Variants in CILK1 observed in about 807,000 individuals in gnomAD.
The protein encoded by CILK1 is ciliogenesis associated kinase 1, also known as serine/threonine-protein kinase ICK.
CILK1 carries 47 observed loss-of-function variants against 79.2 expected under a neutral mutation model. The observed-to-expected ratio is 0.59, with a 90% CI of 0.47 to 0.76. CILK1 has a LOEUF of 0.76. Ranked by LOEUF, CILK1 falls within the 30% of genes least tolerant of loss-of-function variation. The pLI is 0.00. For missense variants in CILK1, 660 were observed against 769.5 expected, an observed-to-expected ratio of 0.86 and a Z score of 1.68; for synonymous variants, 266 against 275.9, an observed-to-expected ratio of 0.96 and a Z score of 0.36.
intron 8 of CILK1, among the ~76,000 whole-genome samples, chr6:53,014,325 C>T (rs1380188685): frequency 6.6e-6 from 1 of 152,094 alleles, no homozygotes; most frequent in Non-Finnish European, 1.5e-5. Flanking sequence ...AGCCTATTTC[C>T]TCATTCCACA....
intron 11 of CILK1, among the ~76,000 whole-genome samples, chr6:53,010,380 TGCC>T (rs1438724918): frequency 6.6e-6 from 1 of 152,226 alleles, no homozygotes; most frequent in Admixed American, 6.5e-5. Context: ...GCTCAGCCTG[TGCC>T]GCCATCTCCC....
At chr6:53,045,837 A>G (rs1767043399) in intron 1 of CILK1, among the ~76,000 whole-genome samples, 2 of 152,072 alleles carry the variant, frequency 1.3e-5, no homozygotes, top group African/African-American at 4.8e-5. Context: ...TGTCAAAAAA[A>G]AAAAAAAATC....
At chr6:53,021,181 C>T (rs568032773) in intron 5 of CILK1, among the ~76,000 whole-genome samples, 7 of 152,194 alleles carry the variant, frequency 4.6e-5, no homozygotes, top group South Asian at 2.1e-4. Flanking sequence ...AAAAATTAGC[C>T]GGGCGTGGTG....
chr6:53,046,161 A>C (rs1396625425), intron 1 of CILK1, among the ~76,000 whole-genome samples: 2 of 152,208 alleles, frequency 1.3e-5, no homozygotes, highest in African/African-American at 4.8e-5. Flanking sequence ...TCTCAGAGGA[A>C]GCATTTTCCA....
intron 8 of CILK1, among the ~76,000 whole-genome samples, chr6:53,015,663 A>G (rs1764848614): frequency 6.6e-6 from 1 of 152,330 alleles, no homozygotes; most frequent in Non-Finnish European, 1.5e-5. Context: ...GGTCTATCTC[A>G]TCTGTCAATC....
rs1764438225 is a variant in CILK1, at chr6:53,009,583, T to C, written c.1493-16A>G. On this transcript the variant is annotated splice_polypyrimidine_tract_variant and intron_variant, in intron 11 of 13. Transcript: ENST00000676107. ...ATACTGATCCCTGATAGAGAAGAAA[T>C]GATTTTAAAATGCAAAATACACAAT... 1.9e-6 allele frequency: 3 copies of C among 1,600,054 alleles called. No homozygotes were observed. Among genetic ancestry groups the C allele is most frequent in the Non-Finnish European group, 2.6e-6 (3 of 1,167,442 alleles).
chr6:53,024,516 T>C (rs1473313264), intron 5 of CILK1, among the ~76,000 whole-genome samples: 3 of 152,248 alleles, frequency 2.0e-5, no homozygotes, highest in Non-Finnish European at 4.4e-5. Context: ...CCTGATTGTG[T>C]GTTTCCATTT....
Position 53,023,997 on chromosome 6 carries a change from G to A in CILK1, c.359-4638C>T, listed in dbSNP as rs190022490. Among the ~76,000 whole-genome samples the A allele has an allele frequency of 8.9e-3, 1,353 of 152,286 alleles. 10 individuals carry two copies. Among genetic ancestry groups the A allele is most frequent in the Middle Eastern group, 0.02 (6 of 294 alleles). On this transcript the variant is annotated intron_variant, in intron 5 of 13. Coordinates refer to ENST00000676107, the MANE Select transcript of CILK1 (RefSeq NM_014920.5). ...GGAGGAAGTACTTCCTTCCCACCAC[G>A]GGGTTGCTTTTATTTTCCACAATCC... is the stretch of plus-strand genomic sequence containing the variant.
chr6:53,045,410 C>T (rs919051327), intron 1 of CILK1, among the ~76,000 whole-genome samples: 1 of 152,122 alleles, frequency 6.6e-6, no homozygotes, highest in Non-Finnish European at 1.5e-5. Context: ...TGTACAATGG[C>T]GCCAAAGCTA....
chr6:53,028,963 A>G (rs544043920), intron 5 of CILK1, among the ~76,000 whole-genome samples: 11 of 151,472 alleles, frequency 7.3e-5, no homozygotes, highest in Non-Finnish European at 1.5e-4. Context: ...GTGTGTGTGT[A>G]TATATATATA....
chr6:53,011,789 T>C lies in CILK1; in HGVS notation c.1472A>G (p.Lys491Arg). ...LRSAAKQHYL[K>R]HSRYLPGISI... ...ATTACCAGGCAAGTATCGAGAGTGC[T>C]TCAAATAGTGCTGCTTGGCTGCAGA... is the stretch of plus-strand genomic sequence containing the variant. The change falls in exon 11 of 14, where the codon AAG becomes AGG. Residue 491 changes from lysine (K) to arginine (R), a missense_variant. Transcript: ENST00000676107. 1 of 1,614,112 alleles carries C rather than the reference T, an allele frequency of 6.2e-7. No individual in the cohort carries two copies. Among genetic ancestry groups the C allele is most frequent in the Non-Finnish European group, 8.5e-7 (1 of 1,179,990 alleles).
intron 5 of CILK1, among the ~76,000 whole-genome samples, chr6:53,029,241 T>A (rs1765768938): frequency 6.6e-6 from 1 of 152,192 alleles, no homozygotes; most frequent in African/African-American, 2.4e-5. Context: ...CTTAATCTAA[T>A]AAGTGACCTT....
At chr6:53,020,490 G>C (rs923420935) in intron 5 of CILK1, among the ~76,000 whole-genome samples, 8 of 152,148 alleles carry the variant, frequency 5.3e-5, no homozygotes, top group Non-Finnish European at 1.2e-4. Flanking sequence ...TTCAAAATCT[G>C]AGATGCTCCA....
In CILK1 at chr6:53,031,123, A is replaced by G; in HGVS notation, c.300T>C (p.Ser100=). 1.2e-6 allele frequency: 2 copies of G among 1,608,564 alleles called. No individual in the cohort carries two copies. Among genetic ancestry groups the G allele is most frequent in the Non-Finnish European group, 1.7e-6 (2 of 1,175,252 alleles). Residue 100 remains serine (S), a synonymous_variant, in exon 5 of 14, where the codon TCT becomes TCC. Transcript: ENST00000676107. ...IKERNKLFPE[S]AIRNIMYQIL... ...TCTGATACATGATATTCCTTATAGC[A>G]GACTCAGGAAACAACTTATTTCTGT... is the stretch of plus-strand genomic sequence containing the variant.
chr6:53,045,988 C>A (rs1232749083), intron 1 of CILK1, among the ~76,000 whole-genome samples: 1 of 152,116 alleles, frequency 6.6e-6, no homozygotes, highest in Non-Finnish European at 1.5e-5. Flanking sequence ...GAATATTTTT[C>A]TTCATGTCCA....
chr6:53,009,346 C>T (rs890763081), intron 12 of CILK1, 93 bp downstream of exon 12: 2 of 1,247,102 alleles, frequency 1.6e-6, no homozygotes, highest in Non-Finnish European at 1.2e-6. Flanking sequence ...GGCCCCTGTG[C>T]TTCCAAAGCC....
chr6:53,025,039 G>T (rs1450034381), intron 5 of CILK1, among the ~76,000 whole-genome samples: 5 of 151,902 alleles, frequency 3.3e-5, no homozygotes, highest in African/African-American at 1.2e-4. Context: ...TGCCATGCTG[G>T]TCAAGCTGGT....
intron 3 of CILK1, among the ~76,000 whole-genome samples, chr6:53,036,090 C>T (rs1766313090): frequency 6.6e-6 from 1 of 152,228 alleles, no homozygotes; most frequent in Non-Finnish European, 1.5e-5. Flanking sequence ...GAGGCAGTCA[C>T]TTGCTTCCTA....
At chr6:53,058,870 C>T (rs1768170727) in intron 1 of CILK1, among the ~76,000 whole-genome samples, 1 of 151,930 alleles carries the variant, frequency 6.6e-6, no homozygotes, top group Non-Finnish European at 1.5e-5. Flanking sequence ...CACTCCAACT[C>T]TGCAAGATCC....
Sources: allele counts gnomAD v4.1 joint callset (sites outside exome capture counted in the v4.1 genomes callset), GRCh38; gene constraint gnomAD v4.1.1; transcripts MANE v1.5; gene names NCBI Gene and HGNC (gene_info 2026-07-23, HGNC 2026-07-21).